Variants in SPDYA observed in about 807,000 individuals in gnomAD.
The protein encoded by SPDYA is speedy/RINGO cell cycle regulator family member A.
SPDYA carries 11 observed loss-of-function variants against 36.7 expected under a neutral mutation model. That is an observed-to-expected ratio of 0.30 (90% CI 0.19 to 0.50). The LOEUF (loss-of-function observed/expected upper bound fraction) is 0.50, where lower values mean the gene tolerates loss of function less well. Among genes scored for constraint, SPDYA ranks in the 20% least tolerant of loss-of-function variants. The pLI is 0.98. For synonymous variants in SPDYA, 115 were observed against 118.7 expected, an observed-to-expected ratio of 0.97 and a Z score of 0.20; for missense variants, 287 against 370.9, an observed-to-expected ratio of 0.77 and a Z score of 1.86.
intron 6 of SPDYA, among the ~76,000 whole-genome samples, chr2:28,836,120 A>G (rs933064559): frequency 6.6e-6 from 1 of 152,248 alleles, no homozygotes; most frequent in African/African-American, 2.4e-5. Flanking sequence ...TATGACTTTT[A>G]CAGAAATTAT....
Position 28,811,368 on chromosome 2 carries a change from G to C in SPDYA, c.-93+421G>C, listed in dbSNP as rs1667838627. ...TGCCGCCTTTATTGTGGGAGGAATG[G>C]AGATTTGGGGGGTCTTTTTGATAAA... On this transcript the variant is annotated intron_variant, in intron 1 of 7. Transcript: ENST00000334056. This position sits in a 1 kb window ranked among gnomAD's most constrained non-coding sequence, Gnocchi z 4.2. 6.6e-6 allele frequency among the ~76,000 whole-genome samples: 1 copy of C among 152,224 alleles called. No homozygotes were observed. The highest frequency in any genetic ancestry group is 2.4e-5 in the African/African-American group (1 of 41,456).
chr2:28,848,641 T>A (rs1668947566), intron 7 of SPDYA, among the ~76,000 whole-genome samples: 1 of 152,200 alleles, frequency 6.6e-6, no homozygotes, highest in Non-Finnish European at 1.5e-5. Context: ...TTCTATAATA[T>A]GTTATTTAAT....
intron 7 of SPDYA, among the ~76,000 whole-genome samples, chr2:28,848,783 C>T (rs1487181895): frequency 6.6e-6 from 1 of 152,142 alleles, no homozygotes; most frequent in Non-Finnish European, 1.5e-5. Context: ...TGGCTCCACA[C>T]CTATAATCCC....
chr2:28,837,742 C>CTTT (rs201687264), intron 6 of SPDYA, among the ~76,000 whole-genome samples: 1 of 132,598 alleles, frequency 7.5e-6, no homozygotes, highest in South Asian at 2.4e-4. Context: ...AGAGTCAGTG[C>CTTT]TTTTTTTTTT....
chr2:28,847,572 C>A (rs1233777192), intron 7 of SPDYA, among the ~76,000 whole-genome samples: 1 of 151,468 alleles, frequency 6.6e-6, no homozygotes, highest in African/African-American at 2.4e-5. Flanking sequence ...ATGGTGAAAC[C>A]CTGTCTCTTA....
In SPDYA at chr2:28,849,199, A is replaced by G. The variant is rs148246982; in HGVS notation, c.851-651A>G. 1.8e-3 allele frequency among the ~76,000 whole-genome samples: 278 copies of G among 152,368 alleles called. 1 individual carries two copies. Among genetic ancestry groups the G allele is most frequent in the Non-Finnish European group, 2.4e-3 (160 of 68,040 alleles). On this transcript the variant is annotated intron_variant, in intron 7 of 7. Transcript: ENST00000334056. Reference sequence around the variant, plus strand: ...GTGAAAAACATATATAAAGTTTTCAAAACAATGTATGGTATGTGGTAAGTG... The same window carrying G: ...GTGAAAAACATATATAAAGTTTTCAGAACAATGTATGGTATGTGGTAAGTG...
At chr2:28,828,934 C>T (rs961659503) in intron 5 of SPDYA, among the ~76,000 whole-genome samples, 1 of 152,158 alleles carries the variant, frequency 6.6e-6, no homozygotes, top group African/African-American at 2.4e-5. Flanking sequence ...AACTGCATCC[C>T]AGAACAAAGC....
chr2:28,839,825 C>T (rs542845390), intron 6 of SPDYA, among the ~76,000 whole-genome samples: 37 of 152,298 alleles, frequency 2.4e-4, no homozygotes, highest in Admixed American at 1.4e-3. Flanking sequence ...TAACCCAATA[C>T]ATTCCAAAGT....
chr2:28,810,835 G>C lies in SPDYA; in HGVS notation c.-205G>C, dbSNP rs1052038780. On this transcript the variant is annotated 5_prime_UTR_variant, in exon 1 of 8. Coordinates refer to ENST00000334056, the MANE Select transcript of SPDYA (RefSeq NM_182756.4). The stretch of plus-strand genomic sequence containing the variant: ...CGGGTTGGCGGGAGACCTTAGAGCG[G>C]GTACCGCTGCTGGCTAGCGACCGAC... The C allele has an allele frequency of 6.6e-6, 1 of 152,312 alleles. No individual in the cohort carries two copies. The highest frequency in any genetic ancestry group is 1.5e-5 in the Non-Finnish European group (1 of 68,112). 9.4% of individuals were successfully genotyped at this position (152,312 alleles called of 1,614,324 possible).
chr2:28,815,283 A>AACACACACAC (rs55773017), intron 2 of SPDYA, among the ~76,000 whole-genome samples: 13 of 136,928 alleles, frequency 9.5e-5, no homozygotes, highest in East Asian at 8.7e-4. Context: ...CCCTGTCTGA[A>AACACACACAC]ACACACACAC....
rs775123165 is a variant in SPDYA at position 28,849,962 on chromosome 2, T to A, written c.*21T>A. 1 of 1,524,204 alleles carries A rather than the reference T, an allele frequency of 6.6e-7. No homozygotes were observed. The allele number at this position is 1,524,204 out of a possible 1,614,324, so 94.4% of individuals were successfully genotyped here. On this transcript the variant is annotated 3_prime_UTR_variant, in exon 8 of 8. Transcript: ENST00000334056. ...AATGAGATGGCCCAACTAAACCAAT[T>A]TGGAATCATTAACTACAAAATGTCA... is the stretch of plus-strand genomic sequence containing the variant.
At chr2:28,849,256 C>A (rs890582713) in intron 7 of SPDYA, among the ~76,000 whole-genome samples, 1 of 152,016 alleles carries the variant, frequency 6.6e-6, no homozygotes, top group African/African-American at 2.4e-5. Flanking sequence ...ATAATAAGTC[C>A]CATTTGTAAT....
chr2:28,834,110 A>ACACACT (rs1484479670), intron 6 of SPDYA, among the ~76,000 whole-genome samples: 1 of 151,930 alleles, frequency 6.6e-6, no homozygotes. Context: ...ACACACACAC[A>ACACACT]CACACTTGAA....
rs1667845599 is a variant in SPDYA, at chr2:28,811,569, T to C, written c.-93+622T>C. On this transcript the variant is annotated intron_variant, in intron 1 of 7. Coordinates refer to ENST00000334056, the MANE Select transcript of SPDYA (RefSeq NM_182756.4). The surrounding 1 kb of genome is among the most constrained non-coding windows in gnomAD (Gnocchi z 4.2). ...GACTGGAGGGCCCCTAGCCTCAATCTTTTAAAAAGCCTTATGCCGAGTTGG... is the reference window on the plus strand; with the variant it reads ...GACTGGAGGGCCCCTAGCCTCAATCCTTTAAAAAGCCTTATGCCGAGTTGG... 6.6e-6 allele frequency among the ~76,000 whole-genome samples: 1 copy of C among 152,064 alleles called. No homozygotes were observed. The highest frequency in any genetic ancestry group is 1.5e-5 in the Non-Finnish European group (1 of 68,006).
rs754643932 is a variant in SPDYA, at chr2:28,850,194, A to G, written c.*253A>G. On this transcript the variant is annotated 3_prime_UTR_variant, in exon 8 of 8. Coordinates refer to ENST00000334056, the MANE Select transcript of SPDYA (RefSeq NM_182756.4). ...CTTCAAGTCAGTTACTGTCATCTGGAGTACTCAGTTAAGTTGTGGTTTGAC... is the reference window on the plus strand; with the variant it reads ...CTTCAAGTCAGTTACTGTCATCTGGGGTACTCAGTTAAGTTGTGGTTTGAC... 6.2e-7 allele frequency: 1 copy of G among 1,610,082 alleles called. No individual in the cohort carries two copies. Among genetic ancestry groups the G allele is most frequent in the Non-Finnish European group, 8.5e-7 (1 of 1,177,786 alleles).
chr2:28,831,639 C>A (rs1437314963), intron 6 of SPDYA, among the ~76,000 whole-genome samples: 1 of 152,078 alleles, frequency 6.6e-6, no homozygotes, highest in Non-Finnish European at 1.5e-5. Context: ...ATTGTCTAAA[C>A]AATAAACTGT....
chr2:28,828,278 C>G (rs1446927602), intron 5 of SPDYA, among the ~76,000 whole-genome samples: 2 of 152,120 alleles, frequency 1.3e-5, no homozygotes, highest in Non-Finnish European at 2.9e-5. Context: ...TGAGCCACCA[C>G]GCCCGGCCCT....
At chr2:28,815,327 C>G (rs536454531) in intron 2 of SPDYA, among the ~76,000 whole-genome samples, 1 of 138,620 alleles carries the variant, frequency 7.2e-6, no homozygotes. Context: ...CACACACACA[C>G]GAGAAAAAAA....
Position 28,811,883 on chromosome 2 carries a change from G to GA in SPDYA, c.-93+937dup, listed in dbSNP as rs1229065038. Among the ~76,000 whole-genome samples the GA allele has an allele frequency of 6.6e-6, 1 of 152,206 alleles. No individual in the cohort carries two copies. The highest frequency in any genetic ancestry group is 6.5e-5 in the Admixed American group (1 of 15,286). On this transcript the variant is annotated intron_variant, in intron 1 of 7. Coordinates refer to ENST00000334056, the MANE Select transcript of SPDYA (RefSeq NM_182756.4). The surrounding 1 kb of genome is among the most constrained non-coding windows in gnomAD (Gnocchi z 4.2). ...AGGCGGGAGAATCGCTTGAACCCGG[G>GA]AGGCAGAGGTGGCAGTGATCCGAGA...
Sources: gnomAD v4.1 joint callset for allele counts (sites outside exome capture counted in the v4.1 genomes callset) on GRCh38, gnomAD v4.1.1 for gene constraint, Gnocchi (gnomAD v3.1) non-coding constraint, MANE v1.5 for transcripts, NCBI Gene and HGNC (gene_info 2026-07-23, HGNC 2026-07-21) for gene names.